SPATA31C1: variants seen among roughly 807,000 people sequenced by gnomAD.
SPATA31C1 encodes SPATA31 subfamily C member 1.
In SPATA31C1 at chr9:87,920,016, C is replaced by T. The variant is rs752318357; in HGVS notation, n.641+40C>T. The T allele has an allele frequency of 3.5e-5, 56 of 1,608,436 alleles. No homozygotes were observed. The Middle Eastern group carries it at 1.1e-3, about 32-fold the overall frequency. ...CTTCCCTGCATCCTTCCTACCAGGG[C>T]TGGGACGTGACCCCAGGGCCACAGG... On this transcript the variant is annotated intron_variant and non_coding_transcript_variant, in intron 4 of 4. Transcript: ENST00000420021.
At chr9:87,918,901 A>G in intron 2 of SPATA31C1, 1 of 352,826 alleles carries the variant, frequency 2.8e-6, no homozygotes, top group Non-Finnish European at 5.6e-6. Flanking sequence ...CGTCCTGAGT[A>G]GCTGGGGATT....
At chr9:87,915,016 GGAGGTCTCTGTCCGAGGCCAGGCCCT>G (rs1300174262) in intron 1 of SPATA31C1, among the ~76,000 whole-genome samples, 5 of 30,616 alleles carry the variant, frequency 1.6e-4, no homozygotes, top group African/African-American at 5.1e-4. Context: ...TCATGAGACG[GGAGGTCTCTGTCCGAGGCCAGGCCCT>G]GAGCCCTGGC....
exon 5 of SPATA31C1, chr9:87,923,203 C>A (rs1467670243): frequency 1.9e-6 from 3 of 1,603,100 alleles, no homozygotes; most frequent in Non-Finnish European, 2.6e-6. Flanking sequence ...TGTGGGTTTC[C>A]CTGCAACCAC....
chr9:87,917,105 C>A (rs1334948055), intron 1 of SPATA31C1, among the ~76,000 whole-genome samples: 1 of 137,996 alleles, frequency 7.2e-6, no homozygotes, highest in Non-Finnish European at 1.6e-5. Flanking sequence ...GTGGGTAGGT[C>A]CCTTTGATTC....
At chr9:87,921,704 C>T (rs768427506) in exon 5 of SPATA31C1, 22 of 1,611,942 alleles carry the variant, frequency 1.4e-5, no homozygotes, top group African/African-American at 2.7e-5. Context: ...GCTTGATCCC[C>T]GTGAGTGTGC....
chr9:87,918,990 A>C (rs1828771684), intron 2 of SPATA31C1: 1 of 427,714 alleles, frequency 2.3e-6, no homozygotes, highest in Admixed American at 3.1e-5. Flanking sequence ...GGCTGGTCTC[A>C]AACTCTTGAC....
intron 2 of SPATA31C1, 31 bp from the exon 2 acceptor site, chr9:87,919,224 T>A (rs1221216917): frequency 6.2e-7 from 1 of 1,601,570 alleles, no homozygotes; most frequent in African/African-American, 1.3e-5. Flanking sequence ...GGAGAGCCGG[T>A]CCTAGCTCCT....
rs369156095 is a variant in SPATA31C1, at chr9:87,919,304, G to A, written n.536G>A. ...CTTGTCTCCCAGTGTCCAACAGGGC[G>A]GAGGGGGAGGCCCAGAGGCAGGATG... On this transcript the variant is annotated non_coding_transcript_exon_variant, in exon 3 of 5. Transcript: ENST00000420021. The A allele has an allele frequency of 4.1e-5, 59 of 1,425,454 alleles. 2 individuals are homozygous for A. Among genetic ancestry groups the A allele is most frequent in the African/African-American group, 1.5e-4 (7 of 47,096 alleles). The allele number at this position is 1,425,454 out of a possible 1,614,324, so 88.3% of individuals were successfully genotyped here. A position where few individuals can be genotyped will look rare whatever the true frequency, so the allele number is the denominator to read the frequency against.
exon 5 of SPATA31C1, chr9:87,922,183 A>C (rs748627296): frequency 1.2e-6 from 2 of 1,613,238 alleles, no homozygotes; most frequent in South Asian, 2.2e-5. Flanking sequence ...TCTTCAAATG[A>C]TCATGGGTCC....
At chr9:87,920,763 A>G (rs772130918) in exon 5 of SPATA31C1, 2 of 1,613,950 alleles carry the variant, frequency 1.2e-6, no homozygotes, top group Non-Finnish European at 1.7e-6. Flanking sequence ...TGGCGGCTCA[A>G]ACAGTCAAGT....
intron 3 of SPATA31C1, 81 bp downstream of exon 2, chr9:87,919,429 A>C (rs1828791528): frequency 1.3e-6 from 2 of 1,571,112 alleles, no homozygotes; most frequent in East Asian, 2.4e-5. Context: ...AGTCAGTTGA[A>C]AAAACCTGAG....
chr9:87,920,727 G>T (rs1345589313), exon 5 of SPATA31C1: 1 of 1,613,966 alleles, frequency 6.2e-7, no homozygotes, highest in Non-Finnish European at 8.5e-7. Flanking sequence ...GGATTTGGCG[G>T]CTTCTGTCCC....
chr9:87,919,412 C>G, intron 3 of SPATA31C1, 64 bp downstream of exon 2: 5 of 1,587,628 alleles, frequency 3.1e-6, no homozygotes, highest in Non-Finnish European at 4.3e-6. Flanking sequence ...GGAACTGACT[C>G]TGAAGAAGTC....
chr9:87,915,480 T>A (rs1828695961), intron 1 of SPATA31C1, among the ~76,000 whole-genome samples: 1 of 145,260 alleles, frequency 6.9e-6, no homozygotes, highest in Non-Finnish European at 1.5e-5. Flanking sequence ...ATTTTCGTAT[T>A]TTTAGTAGAG....
At chr9:87,920,892 G>A (rs758913780) in exon 5 of SPATA31C1, 1 of 1,613,246 alleles carries the variant, frequency 6.2e-7, no homozygotes, top group South Asian at 1.1e-5. Context: ...GCTTTTCCAG[G>A]CCCAGCCCCT....
chr9:87,923,064 G>T (rs1828919701), exon 5 of SPATA31C1: 2 of 1,600,694 alleles, frequency 1.2e-6, no homozygotes, highest in Non-Finnish European at 1.7e-6. Flanking sequence ...ATGCGTGTAC[G>T]GCAGCAGTGC....
intron 1 of SPATA31C1, among the ~76,000 whole-genome samples, chr9:87,916,445 A>G (rs1371693793): frequency 1.3e-5 from 2 of 148,366 alleles, no homozygotes; most frequent in East Asian, 2.0e-4. Context: ...TAATAAAAAG[A>G]CAGGGTAAAA....
chr9:87,922,619 A>G, exon 5 of SPATA31C1: 2 of 1,609,022 alleles, frequency 1.2e-6, no homozygotes, highest in Non-Finnish European at 1.7e-6. Flanking sequence ...TGGCTTCTCA[A>G]GTGCCCCAGG....
chr9:87,920,576 T>C (rs1828826300), exon 5 of SPATA31C1: 2 of 1,613,710 alleles, frequency 1.2e-6, no homozygotes, highest in Non-Finnish European at 1.7e-6. Context: ...CACACACCCC[T>C]GATCCTCTGG....
Sources: gnomAD v4.1 joint callset for allele counts (sites outside exome capture counted in the v4.1 genomes callset) on GRCh38, gnomAD v4.1.1 for gene constraint, MANE v1.5 for transcripts, NCBI Gene and HGNC (gene_info 2026-07-23, HGNC 2026-07-21) for gene names.